Variants in IKZF1 observed in about 807,000 individuals in gnomAD.
The protein encoded by IKZF1 is DNA-binding protein Ikaros.
IKZF1 carries 10 observed loss-of-function variants against 51.7 expected under a neutral mutation model. The observed-to-expected ratio is 0.19, with a 90% CI of 0.12 to 0.33. The LOEUF (loss-of-function observed/expected upper bound fraction) is 0.33, where lower values mean the gene tolerates loss of function less well. Ranked by LOEUF, IKZF1 falls within the 10% of genes least tolerant of loss-of-function variation. IKZF1 has a pLI of 1.00. For synonymous variants in IKZF1, 280 were observed against 282.3 expected (o/e 0.99, Z 0.08); for missense variants, 484 against 707.5 (o/e 0.68, Z 3.58).
intron 3 of IKZF1, among the ~76,000 whole-genome samples, chr7:50,335,244 G>C (rs1359012523): frequency 6.8e-6 from 1 of 147,838 alleles, no homozygotes; most frequent in Non-Finnish European, 1.5e-5. Context: ...GAGATGTGTG[G>C]TGTGTATATG....
At chr7:50,357,052 T>C (rs1212030460) in intron 3 of IKZF1, among the ~76,000 whole-genome samples, 9 of 151,944 alleles carry the variant, frequency 5.9e-5, no homozygotes, top group Admixed American at 5.9e-4. Context: ...CGGAGGGCCA[T>C]GGGTGTGTGA....
At chr7:50,356,963 G>A (rs1448238539) in intron 3 of IKZF1, among the ~76,000 whole-genome samples, 1 of 151,688 alleles carries the variant, frequency 6.6e-6, no homozygotes, top group South Asian at 2.1e-4. Flanking sequence ...TCTCGTGGTC[G>A]CTGGGCTGGT....
intron 7 of IKZF1, among the ~76,000 whole-genome samples, chr7:50,392,238 C>T (rs1244767201): frequency 1.3e-5 from 2 of 152,178 alleles, no homozygotes; most frequent in African/African-American, 4.8e-5. Context: ...GCTTCAGATC[C>T]TCATTTTTCA....
At chr7:50,394,167 G>A (rs1474436635) in intron 7 of IKZF1, 5 of 232,740 alleles carry the variant, frequency 2.1e-5, no homozygotes. Flanking sequence ...CAGTGGACGA[G>A]GGTAGCAGAA....
chr7:50,372,624 G>A (rs994915406), intron 3 of IKZF1, among the ~76,000 whole-genome samples: 7 of 152,224 alleles, frequency 4.6e-5, no homozygotes, highest in Admixed American at 1.3e-4. Context: ...GAAACCTAGA[G>A]CATCGCAGTG....
intron 7 of IKZF1, among the ~76,000 whole-genome samples, chr7:50,393,649 C>T (rs1382111520): frequency 6.6e-6 from 1 of 152,162 alleles, no homozygotes; most frequent in Non-Finnish European, 1.5e-5. Context: ...GCCTTTGGAC[C>T]ATGAGAACGA....
At chr7:50,320,915 A>G (rs1283800505) in intron 2 of IKZF1, among the ~76,000 whole-genome samples, 2 of 152,242 alleles carry the variant, frequency 1.3e-5, no homozygotes, top group Non-Finnish European at 2.9e-5. Flanking sequence ...TGGTACATCC[A>G]TGTACTTCCA....
At chr7:50,389,140 T>C (rs1814284273) in intron 6 of IKZF1, among the ~76,000 whole-genome samples, 1 of 152,254 alleles carries the variant, frequency 6.6e-6, no homozygotes, top group Non-Finnish European at 1.5e-5. Context: ...GTTTGAGTTC[T>C]CTGTTTTTGA....
intron 3 of IKZF1, among the ~76,000 whole-genome samples, chr7:50,366,541 A>G (rs1807007825): frequency 6.6e-6 from 1 of 152,188 alleles, no homozygotes; most frequent in South Asian, 2.1e-4. Flanking sequence ...TGAGCTCTGG[A>G]TGTAGACTGC....
intron 3 of IKZF1, chr7:50,328,325 C>T (rs1177679095): frequency 2.0e-5 from 3 of 152,250 alleles, no homozygotes; most frequent in Non-Finnish European, 2.9e-5. Context: ...CACTGGTTAA[C>T]TTACACATGC....
chr7:50,347,766 A>T (rs1197233307), intron 3 of IKZF1, among the ~76,000 whole-genome samples: 1 of 152,206 alleles, frequency 6.6e-6, no homozygotes, highest in East Asian at 1.9e-4. Context: ...ATGATTCCAC[A>T]AGTCACTCAA....
At chr7:50,391,597 A>G in intron 6 of IKZF1, 132 bp from the exon 7 acceptor site, 2 of 1,338,372 alleles carry the variant, frequency 1.5e-6, no homozygotes, top group Admixed American at 4.9e-5. Context: ...TGTTGCTGGG[A>G]AGATTAGAAT....
intron 3 of IKZF1, among the ~76,000 whole-genome samples, chr7:50,375,940 T>C (rs1305284650): frequency 6.6e-6 from 1 of 152,220 alleles, no homozygotes; most frequent in African/African-American, 2.4e-5. Context: ...TCCGGAAATC[T>C]GAAAGGGAAC....
intron 3 of IKZF1, among the ~76,000 whole-genome samples, chr7:50,352,715 GT>G (rs1454527336): frequency 3.9e-5 from 6 of 152,160 alleles, no homozygotes; most frequent in Admixed American, 3.9e-4. Flanking sequence ...TTCATTTTAA[GT>G]TTTTGTTGTG....
rs531636536 is a variant in IKZF1, at chr7:50,382,727, T to G, written c.589+20T>G. On this transcript the variant is annotated intron_variant, in intron 5 of 7. Transcript: ENST00000331340. ...ACTCCGGTAGGTCCCCTGGATGCAG[T>G]CCGGGGCTGTCTGGGTGTCCCGGGA... The G allele has an allele frequency of 3.1e-6, 5 of 1,592,540 alleles. No individual in the cohort carries two copies. The highest frequency in any genetic ancestry group is 2.2e-5 in the East Asian group (1 of 44,508).
chr7:50,325,776 A>AG (rs1331767519), intron 2 of IKZF1, among the ~76,000 whole-genome samples: 2 of 140,830 alleles, frequency 1.4e-5, no homozygotes, highest in African/African-American at 5.4e-5. Flanking sequence ...CTCTGTCTCG[A>AG]AAAAAAAAAA....
chr7:50,399,931 G>A lies in IKZF1; in HGVS notation c.864G>A (p.Leu288=), dbSNP rs769036412. The A allele has an allele frequency of 9.3e-6, 15 of 1,612,448 alleles. No homozygotes were observed. In the East Asian group the frequency reaches 3.3e-4, roughly 36 times the overall value. Reference sequence around the variant, plus strand: ...TGCTTTCCACAGGGGACAAGGGCCTGTCCGACACGCCCTACGACAGCAGCG... The same window carrying A: ...TGCTTTCCACAGGGGACAAGGGCCTATCCGACACGCCCTACGACAGCAGCG... ...MPQKFLGDKG[L]SDTPYDSSAS... is the part of the protein sequence containing the mutation. The change falls in exon 8 of 8, where the codon CTG becomes CTA. Residue 288 remains leucine (L), a synonymous_variant. Transcript: ENST00000331340.
chr7:50,310,882 T>C (rs2153338389), intron 1 of IKZF1, among the ~76,000 whole-genome samples: 1 of 152,370 alleles, frequency 6.6e-6, no homozygotes. Flanking sequence ...ACAGCTCATT[T>C]TGACTTCAGT....
At chr7:50,374,812 C>G (rs1219682756) in intron 3 of IKZF1, among the ~76,000 whole-genome samples, 1 of 152,190 alleles carries the variant, frequency 6.6e-6, no homozygotes, top group Non-Finnish European at 1.5e-5. Flanking sequence ...AATAGTGCAG[C>G]TAAGATTCCA....
Sources: gnomAD v4.1 joint callset for allele counts (sites outside exome capture counted in the v4.1 genomes callset) on GRCh38, gnomAD v4.1.1 for gene constraint, MANE v1.5 for transcripts, NCBI Gene and HGNC (gene_info 2026-07-23, HGNC 2026-07-21) for gene names.